The following ZNF638 variants were observed in gnomAD, a reference collection of about 807,000 sequenced individuals.
The protein encoded by ZNF638 is zinc finger protein 638, also known as CTCL tumor antigen se33-1.
Under a neutral mutation model 195.6 loss-of-function variants are expected in ZNF638, and 46 were observed. That is an observed-to-expected ratio of 0.24 (90% confidence interval 0.19 to 0.30). The LOEUF (loss-of-function observed/expected upper bound fraction) is 0.30. Ranked by LOEUF, ZNF638 falls within the 10% of genes least tolerant of loss-of-function variation. The pLI, the probability that ZNF638 is intolerant of heterozygous loss-of-function variation, is 1.00. For missense variants in ZNF638, 2,440 were observed against 2,325.3 expected (o/e 1.05, Z -1.01); for synonymous variants, 845 against 772.0 (o/e 1.09, Z -1.57).
At chr2:71,344,051 A>G (rs2078810102) in intron 1 of ZNF638, among the ~76,000 whole-genome samples, 3 of 152,146 alleles carry the variant, frequency 2.0e-5, no homozygotes, top group African/African-American at 7.2e-5. Context: ...AATTGCTTGA[A>G]CCTGGGAAGC....
At chr2:71,433,118 G>C (rs1456480030) in intron 26 of ZNF638, 47 bp from the exon 27 acceptor site, 5 of 1,316,552 alleles carry the variant, frequency 3.8e-6, no homozygotes, top group Non-Finnish European at 5.5e-6. Flanking sequence ...AACACAACTG[G>C]AGATTAATTA....
intron 8 of ZNF638, among the ~76,000 whole-genome samples, chr2:71,371,574 T>C (rs1391755345): frequency 2.0e-5 from 3 of 152,206 alleles, no homozygotes; most frequent in Non-Finnish European, 4.4e-5. Context: ...ATTGTAGTTT[T>C]GATTTGCATT....
chr2:71,431,809 G>T (rs2080670731), intron 26 of ZNF638, among the ~76,000 whole-genome samples: 2 of 152,086 alleles, frequency 1.3e-5, no homozygotes, highest in Admixed American at 1.3e-4. Context: ...ATTGTTTTAG[G>T]TGAGTAATTG....
chr2:71,373,437 A>ATT (rs754117239), intron 8 of ZNF638, among the ~76,000 whole-genome samples: 7,811 of 71,330 alleles, frequency 0.11, 1,321 homozygotes, highest in Non-Finnish European at 0.13. Flanking sequence ...TCAAGTTTGA[A>ATT]TTTTTTTTTT....
In ZNF638 at chr2:71,434,984, A is replaced by G. The variant is rs913904849; in HGVS notation, c.*177A>G. The G allele has an allele frequency of 1.9e-6, 1 of 521,648 alleles. No homozygotes were observed. Among genetic ancestry groups the G allele is most frequent in the African/African-American group, 2.0e-5 (1 of 50,288 alleles). The allele number at this position is 521,648 out of a possible 1,614,324, so 32.3% of individuals were successfully genotyped here. A position where few individuals can be genotyped will look rare whatever the true frequency, so the allele number is the denominator to read the frequency against. Reference sequence around the variant, plus strand: ...GGAAAGTATGATGGGTTTGATTTTTATATCAAATCATCAGGCATGGAGAAA... The same window carrying G: ...GGAAAGTATGATGGGTTTGATTTTTGTATCAAATCATCAGGCATGGAGAAA... On this transcript the variant is annotated 3_prime_UTR_variant, in exon 28 of 28. Transcript: ENST00000264447.
intron 21 of ZNF638, among the ~76,000 whole-genome samples, chr2:71,419,829 A>G (rs2080386757): frequency 2.6e-5 from 4 of 152,094 alleles, no homozygotes; most frequent in African/African-American, 9.7e-5. Context: ...TAGCAATAGC[A>G]GTTGGTCATT....
chr2:71,428,668 G>C lies in ZNF638; in HGVS notation c.5650+17G>C. 1.3e-6 allele frequency: 2 copies of C among 1,590,922 alleles called. No homozygotes were observed. The highest frequency in any genetic ancestry group is 1.7e-6 in the Non-Finnish European group (2 of 1,161,594). On this transcript the variant is annotated intron_variant, in intron 25 of 27. Coordinates refer to ENST00000264447, the MANE Select transcript of ZNF638 (RefSeq NM_014497.5). ...TGAGTGAAGGTAAAGCAGGATTGTT[G>C]GAATGGGAAGGAAAGTTACACAACA...
intron 14 of ZNF638, 78 bp downstream of exon 14, chr2:71,400,258 T>G: frequency 8.3e-7 from 1 of 1,202,898 alleles, no homozygotes; most frequent in Non-Finnish European, 1.2e-6. Context: ...TTAAGAGTAT[T>G]ACGATTCATG....
At chr2:71,366,046 T>C (rs1219303576) in intron 6 of ZNF638, among the ~76,000 whole-genome samples, 2 of 152,212 alleles carry the variant, frequency 1.3e-5, no homozygotes, top group Admixed American at 1.3e-4. Context: ...ACATTTGCTA[T>C]GACAAACAGA....
intron 10 of ZNF638, chr2:71,393,292 A>AC (rs2079823063): frequency 1.6e-6 from 1 of 628,992 alleles, no homozygotes; most frequent in African/African-American, 1.8e-5. Flanking sequence ...AAGACATAAA[A>AC]CCCGCAGTTT....
chr2:71,381,943 A>G (rs6745907), intron 10 of ZNF638, among the ~76,000 whole-genome samples: 72,710 of 151,898 alleles, frequency 0.48, 18,899 homozygotes, highest in Admixed American at 0.61. Context: ...GGAGAGATGT[A>G]AAAATCCCAC....
At chr2:71,404,208 T>C (rs1215556350) in intron 17 of ZNF638, among the ~76,000 whole-genome samples, 1 of 152,228 alleles carries the variant, frequency 6.6e-6, no homozygotes, top group Non-Finnish European at 1.5e-5. Flanking sequence ...TCTTCATGTA[T>C]GTTGGGATGG....
chr2:71,348,589 A>G (rs967436052), intron 1 of ZNF638, 164 bp from the exon 2 acceptor site: 4 of 1,199,068 alleles, frequency 3.3e-6, no homozygotes, highest in African/African-American at 1.6e-5. Context: ...AAAGAAGAGA[A>G]AGTTTTTGGG....
intron 20 of ZNF638, among the ~76,000 whole-genome samples, chr2:71,417,960 G>T (rs1239701621): frequency 1.3e-5 from 2 of 152,066 alleles, no homozygotes; most frequent in Non-Finnish European, 2.9e-5. Context: ...CTCAGAAAAG[G>T]CTTCCTTCTA....
At chr2:71,405,739 T>G (rs1335621609) in intron 18 of ZNF638, 97 bp downstream of exon 18, 5 of 870,870 alleles carry the variant, frequency 5.7e-6, no homozygotes, top group Admixed American at 5.6e-5. Flanking sequence ...TTAGAACTAA[T>G]TTTAAGATAT....
intron 9 of ZNF638, 41 bp downstream of exon 9, chr2:71,380,321 C>G: frequency 7.1e-7 from 1 of 1,403,458 alleles, no homozygotes; most frequent in Non-Finnish European, 9.7e-7. Flanking sequence ...ATGAAATGTG[C>G]ATATGACTTA....
intron 1 of ZNF638, among the ~76,000 whole-genome samples, chr2:71,335,619 T>A (rs989908352): frequency 1.3e-5 from 2 of 152,202 alleles, no homozygotes; most frequent in African/African-American, 4.8e-5. Flanking sequence ...ACTAATTCAT[T>A]CATGTGCCTG....
chr2:71,395,800 T>A, intron 10 of ZNF638: 2 of 414,890 alleles, frequency 4.8e-6, no homozygotes, highest in East Asian at 1.1e-4. Context: ...AGCCTGAGTC[T>A]GCAGGTCAGA....
intron 20 of ZNF638, among the ~76,000 whole-genome samples, chr2:71,409,775 C>T (rs965555478): frequency 4.6e-5 from 7 of 152,112 alleles, no homozygotes; most frequent in Non-Finnish European, 1.0e-4. Context: ...TGACTCTTTT[C>T]TAAATTTAGG....
Sources: allele counts gnomAD v4.1 joint callset (sites outside exome capture counted in the v4.1 genomes callset), GRCh38; gene constraint gnomAD v4.1.1; transcripts MANE v1.5; gene names NCBI Gene and HGNC (gene_info 2026-07-23, HGNC 2026-07-21).